The following LRRC7 variants were observed in gnomAD, a reference collection of about 807,000 sequenced individuals.
LRRC7 encodes the protein leucine rich repeat containing 7.
Under a neutral mutation model 175.7 loss-of-function variants are expected in LRRC7, and 23 were observed. The ratio of observed to expected loss-of-function variants is 0.13; its 90% CI spans 0.09 to 0.19. The LOEUF is 0.19. Ranked by LOEUF, LRRC7 falls within the 10% of genes least tolerant of loss-of-function variation. The pLI is 1.00. For synonymous variants in LRRC7, 685 were observed against 680.9 expected (o/e 1.01, Z -0.09); for missense variants, 1,354 against 1,904.7 (o/e 0.71, Z 5.38).
chr1:69,595,634 T>G (rs1385092542), intron 1 of LRRC7, among the ~76,000 whole-genome samples: 1 of 152,144 alleles, frequency 6.6e-6, no homozygotes, highest in East Asian at 1.9e-4. Context: ...CTTTCCTAAC[T>G]GTGCTAATGG....
chr1:69,907,111 A>G lies in LRRC7; in HGVS notation c.648-24396A>G, dbSNP rs868328019. 6.2e-3 allele frequency among the ~76,000 whole-genome samples: 942 copies of G among 151,600 alleles called. 8 individuals are homozygous for G. Among genetic ancestry groups the G allele is most frequent in the African/African-American group, 0.021 (865 of 40,992 alleles). ...CTTGTGATTTTTGTACATTGATTTT[A>G]TATCCTGAGACTTTGCTGAAGTTGC... On this transcript the variant is annotated intron_variant, in intron 7 of 26. Transcript: ENST00000651989.
chr1:69,968,609 A>G (rs1651899250), intron 8 of LRRC7, among the ~76,000 whole-genome samples: 2 of 152,172 alleles, frequency 1.3e-5, no homozygotes, highest in South Asian at 4.1e-4. Context: ...ATTTCTCAGC[A>G]GAAACCCTAC....
At chr1:70,103,271 A>G (rs1664923522) in intron 25 of LRRC7, among the ~76,000 whole-genome samples, 2 of 152,100 alleles carry the variant, frequency 1.3e-5, no homozygotes, top group Admixed American at 1.3e-4. Context: ...AACTGTGAAT[A>G]TGTTACATTA....
intron 23 of LRRC7, among the ~76,000 whole-genome samples, chr1:70,058,885 G>T (rs1456549747): frequency 1.3e-5 from 2 of 152,122 alleles, no homozygotes; most frequent in Non-Finnish European, 2.9e-5. Context: ...AGGCTGTTTT[G>T]CCCTAATTCT....
At chr1:70,078,299 C>A (rs1359229164) in intron 24 of LRRC7, among the ~76,000 whole-genome samples, 2 of 152,142 alleles carry the variant, frequency 1.3e-5, no homozygotes, top group Non-Finnish European at 2.9e-5. Flanking sequence ...CCTGTCATCC[C>A]GTTATAAACC....
rs143982089 is a variant in LRRC7 at position 70,108,069 on chromosome 1, G to C, written c.4620+243G>C. Among the ~76,000 whole-genome samples the C allele has an allele frequency of 8.3e-3, 1,244 of 150,646 alleles. 7 individuals carry two copies. Among genetic ancestry groups the C allele is most frequent in the Non-Finnish European group, 0.011 (726 of 67,674 alleles). On this transcript the variant is annotated intron_variant, in intron 26 of 26. Coordinates refer to ENST00000651989, the MANE Select transcript of LRRC7 (RefSeq NM_001370785.2). Reference sequence around the variant, plus strand: ...ATGTTTTGCATATTTTTGTTGAATTGAATGGAATTACTTGATAATATAAGA... The same window carrying C: ...ATGTTTTGCATATTTTTGTTGAATTCAATGGAATTACTTGATAATATAAGA...
In LRRC7 at chr1:70,129,314, A is replaced by G. The variant is rs1666573324; in HGVS notation, c.*7427A>G. ...AATATTTGCCAGGATTTAGGGCAAC[A>G]TTTGATAGGCTAAACGTGGCAAGTG... On this transcript the variant is annotated 3_prime_UTR_variant, in exon 27 of 27. Transcript: ENST00000651989. 6.6e-6 allele frequency among the ~76,000 whole-genome samples: 1 copy of G among 152,126 alleles called. No homozygotes were observed. Among genetic ancestry groups the G allele is most frequent in the African/African-American group, 2.4e-5 (1 of 41,422 alleles).
rs35234345 is a variant in LRRC7 at position 69,898,662 on chromosome 1, A to ACTGCTGCTGCTG, written c.648-32827_648-32816dup. On this transcript the variant is annotated intron_variant, in intron 7 of 26. Coordinates refer to ENST00000651989, the MANE Select transcript of LRRC7 (RefSeq NM_001370785.2). ...GCTTGCAGTTTCTGTTGCTATCATCACTGCTGCTGCTGCTGCTGCTGCTGC... is the reference window on the plus strand; with the variant it reads ...GCTTGCAGTTTCTGTTGCTATCATCACTGCTGCTGCTGCTGCTGCTGCTGCTGCTGCTGCTGC... Among the ~76,000 whole-genome samples the ACTGCTGCTGCTG allele has an allele frequency of 2.4e-3, 368 of 150,876 alleles. 1 individual carries two copies. Among genetic ancestry groups the ACTGCTGCTGCTG allele is most frequent in the African/African-American group, 6.3e-3 (260 of 41,114 alleles).
chr1:69,646,103 T>A (rs1036273197), intron 1 of LRRC7, among the ~76,000 whole-genome samples: 3 of 152,136 alleles, frequency 2.0e-5, no homozygotes, highest in African/African-American at 4.8e-5. Context: ...ATACTTATAA[T>A]TAGGCTCAGA....
At chr1:70,002,201 A>G (rs1211019261) in intron 11 of LRRC7, among the ~76,000 whole-genome samples, 2 of 152,176 alleles carry the variant, frequency 1.3e-5, no homozygotes, top group Admixed American at 6.5e-5. Flanking sequence ...ATTCCTTCAT[A>G]GAGTGTGGTC....
At chr1:69,837,818 C>A (rs1387645091) in intron 6 of LRRC7, among the ~76,000 whole-genome samples, 2 of 150,962 alleles carry the variant, frequency 1.3e-5, no homozygotes. Flanking sequence ...TAACCCTACT[C>A]ATAATCAATA....
At chr1:69,688,268 AC>A (rs1201567693) in intron 2 of LRRC7, among the ~76,000 whole-genome samples, 1 of 152,104 alleles carries the variant, frequency 6.6e-6, no homozygotes, top group Non-Finnish European at 1.5e-5. Context: ...TCCTGGAGCC[AC>A]CCCTTTTCCA....
chr1:69,713,808 T>C (rs1665048065), intron 2 of LRRC7, among the ~76,000 whole-genome samples: 2 of 151,786 alleles, frequency 1.3e-5, no homozygotes, highest in Non-Finnish European at 2.9e-5. Flanking sequence ...TTGTTTAACA[T>C]TAATACAGAC....
chr1:69,725,800 A>T (rs1166598453), intron 2 of LRRC7, among the ~76,000 whole-genome samples: 1 of 152,166 alleles, frequency 6.6e-6, no homozygotes, highest in Non-Finnish European at 1.5e-5. Flanking sequence ...TCCTGTCCAG[A>T]CCTGTGCTGC....
intron 2 of LRRC7, among the ~76,000 whole-genome samples, chr1:69,716,525 A>T (rs1254346989): frequency 6.6e-6 from 1 of 151,912 alleles, no homozygotes; most frequent in Non-Finnish European, 1.5e-5. Context: ...TAAAAAGAGT[A>T]AATGAATCTG....
chr1:69,852,640 C>T (rs977713602), intron 7 of LRRC7, among the ~76,000 whole-genome samples: 3 of 152,040 alleles, frequency 2.0e-5, no homozygotes, highest in Admixed American at 6.6e-5. Context: ...AATAACATGG[C>T]TTAAACTGAC....
At chr1:69,704,475 G>A (rs754487517) in intron 2 of LRRC7, among the ~76,000 whole-genome samples, 26 of 151,746 alleles carry the variant, frequency 1.7e-4, no homozygotes, top group Non-Finnish European at 2.2e-4. Context: ...AGTGACTTCC[G>A]TTGTAAGTTT....
At chr1:70,084,916 C>A (rs1345874287) in intron 24 of LRRC7, among the ~76,000 whole-genome samples, 1 of 152,054 alleles carries the variant, frequency 6.6e-6, no homozygotes, top group African/African-American at 2.4e-5. Flanking sequence ...AGTATATTTT[C>A]ATATGCTTTT....
intron 2 of LRRC7, among the ~76,000 whole-genome samples, chr1:69,757,987 C>T (rs755394479): frequency 6.6e-6 from 1 of 152,056 alleles, no homozygotes; most frequent in Non-Finnish European, 1.5e-5. Context: ...AATATCTTCC[C>T]AATCCATCAC....
Sources: gnomAD v4.1 joint callset for allele counts (sites outside exome capture counted in the v4.1 genomes callset) on GRCh38, gnomAD v4.1.1 for gene constraint, MANE v1.5 for transcripts, NCBI Gene and HGNC (gene_info 2026-07-23, HGNC 2026-07-21) for gene names.